ADAM12: variants seen among roughly 807,000 people sequenced by gnomAD.
ADAM12 encodes ADAM metallopeptidase domain 12, also known as disintegrin and metalloproteinase domain-containing protein 12.
Under a neutral mutation model 106.4 loss-of-function variants are expected in ADAM12, and 70 were observed. The observed-to-expected ratio is 0.66, with a 90% CI of 0.54 to 0.80. The LOEUF is 0.80. Ranked by LOEUF, ADAM12 falls within the 30% of genes least tolerant of loss-of-function variation. The pLI, the probability that ADAM12 is intolerant of heterozygous loss-of-function variation, is 0.00. For missense variants in ADAM12, 1,010 were observed against 1,171.9 expected (o/e 0.86, Z 2.02); for synonymous variants, 420 against 433.5 (o/e 0.97, Z 0.39).
Position 126,324,950 on chromosome 10 carries a change from C to T in ADAM12, c.186+5462G>A, listed in dbSNP as rs190954417. Among the ~76,000 whole-genome samples, 112 of 151,926 alleles carry T rather than the reference C, an allele frequency of 7.4e-4. 1 individual carries two copies. Among genetic ancestry groups the T allele is most frequent in the African/African-American group, 2.3e-3 (97 of 41,416 alleles). On this transcript the variant is annotated intron_variant, in intron 2 of 22. Transcript: ENST00000448723. Reference sequence around the variant, plus strand: ...AGCGGTTCACACAGTGGGAACTCCACGTGTGGTAGCTCTCACTGCTATTTT... The same window carrying T: ...AGCGGTTCACACAGTGGGAACTCCATGTGTGGTAGCTCTCACTGCTATTTT...
chr10:126,058,125 AT>A (rs1309037001), intron 14 of ADAM12, among the ~76,000 whole-genome samples: 1 of 152,146 alleles, frequency 6.6e-6, no homozygotes, highest in Non-Finnish European at 1.5e-5. Context: ...CAGCTTTGCC[AT>A]GGAGGCAGGG....
chr10:126,203,076 C>T (rs773992713), intron 3 of ADAM12, among the ~76,000 whole-genome samples: 3 of 152,022 alleles, frequency 2.0e-5, no homozygotes, highest in African/African-American at 7.2e-5. Flanking sequence ...TTGTCATCAG[C>T]GAAGGAGTAA....
intron 3 of ADAM12, among the ~76,000 whole-genome samples, chr10:126,218,636 A>G (rs888433940): frequency 6.6e-6 from 1 of 152,206 alleles, no homozygotes; most frequent in Non-Finnish European, 1.5e-5. Context: ...GGTGCTGGGC[A>G]ATGGGTCTGC....
chr10:126,138,646 G>T (rs990623771), intron 4 of ADAM12, among the ~76,000 whole-genome samples: 2 of 152,172 alleles, frequency 1.3e-5, no homozygotes, highest in African/African-American at 4.8e-5. Context: ...AAAGTGCTGG[G>T]ATTACAGGCG....
chr10:126,222,998 T>G (rs1958124432), intron 3 of ADAM12, among the ~76,000 whole-genome samples: 2 of 152,240 alleles, frequency 1.3e-5, no homozygotes, highest in Non-Finnish European at 2.9e-5. Flanking sequence ...TCATACTTAC[T>G]AATTGTTCCT....
chr10:126,293,429 G>A (rs897151933), intron 2 of ADAM12, among the ~76,000 whole-genome samples: 1 of 152,172 alleles, frequency 6.6e-6, no homozygotes, highest in Non-Finnish European at 1.5e-5. Flanking sequence ...GCCCCTACAG[G>A]TATTGACTTC....
intron 4 of ADAM12, among the ~76,000 whole-genome samples, chr10:126,150,573 C>T (rs182060920): frequency 6.6e-6 from 1 of 152,140 alleles, no homozygotes; most frequent in Non-Finnish European, 1.5e-5. Flanking sequence ...CCTCCCCCAC[C>T]CTCTATCCCC....
chr10:126,281,687 T>A (rs1228498256), intron 2 of ADAM12, among the ~76,000 whole-genome samples: 1 of 152,176 alleles, frequency 6.6e-6, no homozygotes, highest in Non-Finnish European at 1.5e-5. Flanking sequence ...TGTTACCCAT[T>A]GGAGATGATG....
rs1457745782 is a variant in ADAM12 at position 126,381,988 on chromosome 10, CAAT to C, written c.88+6067_88+6069del. Among the ~76,000 whole-genome samples the C allele has an allele frequency of 2.8e-5, 4 of 144,130 alleles. No homozygotes were observed. In the East Asian group the frequency reaches 8.2e-4, roughly 30 times the overall value. The allele number at this position is 144,130 out of a possible 152,430, so 94.6% of individuals were successfully genotyped here. A position where few individuals can be genotyped will look rare whatever the true frequency, so the allele number is the denominator to read the frequency against. ...AGACCCTGTCTCAAAAAAAAAAAAA[CAAT>C]AATAATAATTAAAACACAAAGCAGC... On this transcript the variant is annotated intron_variant, in intron 1 of 22. Coordinates refer to ENST00000448723, the MANE Select transcript of ADAM12 (RefSeq NM_001288973.2).
intron 11 of ADAM12, among the ~76,000 whole-genome samples, chr10:126,084,415 A>G (rs1354310253): frequency 1.3e-5 from 2 of 152,168 alleles, no homozygotes; most frequent in African/African-American, 2.4e-5. Flanking sequence ...TGACTGCTGA[A>G]TTTGTGTGGG....
At chr10:126,233,043 T>C (rs1000117299) in intron 3 of ADAM12, among the ~76,000 whole-genome samples, 1 of 152,058 alleles carries the variant, frequency 6.6e-6, no homozygotes, top group Admixed American at 6.6e-5. Context: ...CAGAAGAGCA[T>C]CCCCTACCAC....
At chr10:126,369,304 G>A (rs1032541485) in intron 1 of ADAM12, among the ~76,000 whole-genome samples, 5 of 152,150 alleles carry the variant, frequency 3.3e-5, no homozygotes, top group South Asian at 2.1e-4. Context: ...TGCTAGGCAC[G>A]GGGGACCCAA....
At chr10:126,106,106 A>G (rs1287782089) in intron 8 of ADAM12, among the ~76,000 whole-genome samples, 1 of 151,810 alleles carries the variant, frequency 6.6e-6, no homozygotes, top group Non-Finnish European at 1.5e-5. Context: ...CTCCACTCCA[A>G]CGAAACTGGC....
intron 1 of ADAM12, among the ~76,000 whole-genome samples, chr10:126,344,822 T>C (rs1158654319): frequency 1.3e-4 from 19 of 151,694 alleles, no homozygotes; most frequent in Admixed American, 1.2e-3. Context: ...TGGCTCTCTG[T>C]TTGTCTGTTA....
intron 2 of ADAM12, among the ~76,000 whole-genome samples, chr10:126,289,094 C>T (rs906323402): frequency 6.6e-6 from 1 of 151,910 alleles, no homozygotes; most frequent in Non-Finnish European, 1.5e-5. Flanking sequence ...GGGACAGGAC[C>T]GTGTGGTGAC....
intron 3 of ADAM12, among the ~76,000 whole-genome samples, chr10:126,217,996 C>T (rs1382330157): frequency 6.6e-6 from 1 of 151,086 alleles, no homozygotes; most frequent in Non-Finnish European, 1.5e-5. Context: ...AAAAAGATTA[C>T]ACTATTTTCT....
intron 11 of ADAM12, among the ~76,000 whole-genome samples, chr10:126,092,928 A>T (rs778755968): frequency 1.3e-5 from 2 of 152,234 alleles, no homozygotes; most frequent in African/African-American, 2.4e-5. Flanking sequence ...GAAAAAGCAC[A>T]GACACATTCT....
chr10:126,185,986 G>A (rs1957393044), intron 3 of ADAM12, among the ~76,000 whole-genome samples: 1 of 152,192 alleles, frequency 6.6e-6, no homozygotes, highest in African/African-American at 2.4e-5. Context: ...GTCTAGACTT[G>A]TGCTGTTGCT....
intron 3 of ADAM12, among the ~76,000 whole-genome samples, chr10:126,267,822 G>A (rs113805735): frequency 2.8e-4 from 42 of 151,122 alleles, no homozygotes; most frequent in African/African-American, 1.0e-3. Context: ...AGAGGTGGGG[G>A]GCGGTGGGGG....
Sources: gnomAD v4.1 joint callset for allele counts (sites outside exome capture counted in the v4.1 genomes callset) on GRCh38, gnomAD v4.1.1 for gene constraint, MANE v1.5 for transcripts, NCBI Gene and HGNC (gene_info 2026-07-23, HGNC 2026-07-21) for gene names.